The following PAX7 variants were observed in gnomAD, a reference collection of about 807,000 sequenced individuals.
The protein encoded by PAX7 is paired box protein Pax-7.
PAX7 carries 18 observed loss-of-function variants against 50.7 expected under a neutral mutation model. The observed-to-expected ratio is 0.36, with a 90% CI of 0.25 to 0.53. PAX7 has a LOEUF of 0.53. Among genes scored for constraint, PAX7 ranks in the 20% least tolerant of loss-of-function variants. The probability of loss-of-function intolerance (pLI) is 0.93; values close to 1 mark genes in which losing one functional copy is unlikely to be tolerated. For missense variants in PAX7, 644 were observed against 702.9 expected (o/e 0.92, Z 0.95); for synonymous variants, 310 against 290.4 (o/e 1.07, Z -0.69).
rs780195552 is a variant in PAX7 at position 18,703,278 on chromosome 1, C to T, written c.1137C>T (p.Ser379=). 2 of 1,614,108 alleles carry T rather than the reference C, an allele frequency of 1.2e-6. No homozygotes were observed. The highest frequency in any genetic ancestry group is 2.2e-5 in the South Asian group (2 of 91,086). ...CCTCCAACCACATGAACCCGGTCAG[C>T]AACGGCCTGTCTCCTCAGGTAGGTG... ...AAPSNHMNPV[S]NGLSPQVMSI... is the part of the protein sequence containing the mutation. Residue 379 remains serine, a synonymous_variant, in exon 7 of 9, where the codon AGC becomes AGT. Transcript: ENST00000420770.
At chr1:18,696,400 G>T (rs1027294848) in intron 5 of PAX7, among the ~76,000 whole-genome samples, 5 of 152,122 alleles carry the variant, frequency 3.3e-5, no homozygotes, top group African/African-American at 1.2e-4. Flanking sequence ...CAGGCATGAT[G>T]GCTCACCAGT....
At chr1:18,649,013 T>C (rs2088391386) in intron 4 of PAX7, among the ~76,000 whole-genome samples, 3 of 152,140 alleles carry the variant, frequency 2.0e-5, no homozygotes. Flanking sequence ...ACTGAGCCCG[T>C]GACTGGCTGC....
chr1:18,731,483 G>T, intron 7 of PAX7, among the ~76,000 whole-genome samples: 1 of 152,160 alleles, frequency 6.6e-6, no homozygotes, highest in Non-Finnish European at 1.5e-5. Context: ...TTGCTTCCTC[G>T]TGTCTCAATT....
At chr1:18,744,698 A>ATGGG in intron 8 of PAX7, 116 bp from the exon 9 acceptor site, 1 of 558,116 alleles carries the variant, frequency 1.8e-6, no homozygotes, top group South Asian at 1.9e-5. Context: ...AAATGGATGG[A>ATGGG]TGGATGGATG....
At position 18,634,203 on chromosome 1, in the gene PAX7, G is replaced by T. The variant is rs2088106105; in HGVS notation, c.86-100G>T. ...CGGGATTGCTGTCTGAGGTCTTGGG[G>T]CTCAAACAAACAAAACTGGAGTCAG... On this transcript the variant is annotated intron_variant, in intron 1 of 8. Transcript: ENST00000420770. The surrounding 1 kb of genome is among the most constrained non-coding windows in gnomAD (Gnocchi z 4.0). The T allele has an allele frequency of 4.3e-6, 4 of 919,864 alleles. No homozygotes were observed. The highest frequency in any genetic ancestry group is 5.0e-6 in the Non-Finnish European group (3 of 598,556). The allele number at this position is 919,864 out of a possible 1,614,324, so 57.0% of individuals were successfully genotyped here. A position where few individuals can be genotyped will look rare whatever the true frequency, so the allele number is the denominator to read the frequency against.
Position 18,639,554 on chromosome 1 carries a change from C to T in PAX7, c.586+3183C>T, listed in dbSNP as rs545961167. Among the ~76,000 whole-genome samples the T allele has an allele frequency of 1.0e-3, 154 of 152,274 alleles. 1 individual carries two copies. Among genetic ancestry groups the T allele is most frequent in the Admixed American group, 2.9e-3 (44 of 15,292 alleles). The stretch of plus-strand genomic sequence containing the variant: ...TTGCCCCCATGCACTTAGACTCCCT[C>T]CTCTTCACCCCTTTCTCCGAGGATC... On this transcript the variant is annotated intron_variant, in intron 4 of 8. Coordinates refer to ENST00000420770, the MANE Select transcript of PAX7 (RefSeq NM_001135254.2).
intron 4 of PAX7, among the ~76,000 whole-genome samples, chr1:18,641,377 G>C (rs2088250947): frequency 6.6e-6 from 1 of 152,208 alleles, no homozygotes; most frequent in South Asian, 2.1e-4. Context: ...CTGAGTGTTG[G>C]GGGGTGCCTT....
intron 4 of PAX7, among the ~76,000 whole-genome samples, chr1:18,666,972 G>T (rs2088678404): frequency 6.6e-6 from 1 of 152,146 alleles, no homozygotes; most frequent in Non-Finnish European, 1.5e-5. Flanking sequence ...GGGAGTGGGG[G>T]TCCTCTGGGG....
At chr1:18,662,142 G>A (rs1180667406) in intron 4 of PAX7, among the ~76,000 whole-genome samples, 5 of 152,130 alleles carry the variant, frequency 3.3e-5, no homozygotes, top group South Asian at 2.1e-4. Flanking sequence ...GGGTTGAGGG[G>A]GGCGAGGAGG....
At chr1:18,718,318 G>A (rs900230593) in intron 7 of PAX7, among the ~76,000 whole-genome samples, 1 of 152,222 alleles carries the variant, frequency 6.6e-6, no homozygotes, top group African/African-American at 2.4e-5. Flanking sequence ...AAAAGGATTG[G>A]AGGGTGAGTC....
intron 7 of PAX7, among the ~76,000 whole-genome samples, chr1:18,729,919 C>G (rs2089625065): frequency 6.6e-6 from 1 of 152,116 alleles, no homozygotes. Context: ...TGGGTGTTGG[C>G]CCCCATGGGA....
At chr1:18,689,364 G>A (rs2089034157) in intron 4 of PAX7, among the ~76,000 whole-genome samples, 1 of 152,184 alleles carries the variant, frequency 6.6e-6, no homozygotes, top group Non-Finnish European at 1.5e-5. Flanking sequence ...TGTGCCCACT[G>A]TGGTCTCCCC....
At chr1:18,720,542 C>G (rs945394792) in intron 7 of PAX7, among the ~76,000 whole-genome samples, 1 of 151,992 alleles carries the variant, frequency 6.6e-6, no homozygotes, top group Non-Finnish European at 1.5e-5. Context: ...CAGACAGACC[C>G]AGAGAGAGCT....
At chr1:18,637,765 AG>A (rs1449544168) in intron 4 of PAX7, among the ~76,000 whole-genome samples, 1 of 152,254 alleles carries the variant, frequency 6.6e-6, no homozygotes, top group Non-Finnish European at 1.5e-5. Flanking sequence ...CCTGGAGCGA[AG>A]GGAAGGGGCG....
Position 18,688,418 on chromosome 1 carries a change from C to T in PAX7, c.587-3336C>T, listed in dbSNP as rs11578739. ...TGGCCACCAGCCACGTGTGACTATG[C>T]AAATTTGAATTACAATTAAATACAA... On this transcript the variant is annotated intron_variant, in intron 4 of 8. Transcript: ENST00000420770. 2.5e-3 allele frequency among the ~76,000 whole-genome samples: 384 copies of T among 152,324 alleles called. 3 individuals are homozygous for T. The South Asian group carries it at 0.03, about 12-fold the overall frequency.
At position 18,635,149 on chromosome 1, in the gene PAX7, G is replaced by A. The variant is rs912601399; in HGVS notation, c.360G>A (p.Glu120=). Residue 120 remains glutamate (E), a synonymous_variant, in exon 3 of 9, where the codon GAG becomes GAA. Transcript: ENST00000420770. The part of the protein sequence containing the change: ...ATPDVEKKIE[E]YKRENPGMFS... ...CGGATGTAGAGAAAAAGATTGAGGAGTACAAGAGGGAAAACCCAGGCATGT... is the reference window on the plus strand; with the variant it reads ...CGGATGTAGAGAAAAAGATTGAGGAATACAAGAGGGAAAACCCAGGCATGT... The A allele has an allele frequency of 2.1e-5, 34 of 1,613,910 alleles. No homozygotes were observed. The highest frequency in any genetic ancestry group is 2.7e-5 in the Non-Finnish European group (32 of 1,179,942).
chr1:18,667,448 AAGG>A (rs2088687038), intron 4 of PAX7, among the ~76,000 whole-genome samples: 1 of 147,032 alleles, frequency 6.8e-6, no homozygotes. Flanking sequence ...GGAAGGAAGG[AAGG>A]AGCTTTGGTC....
At chr1:18,744,726 A>G in intron 8 of PAX7, 88 bp from the exon 9 acceptor site, 1 of 735,030 alleles carries the variant, frequency 1.4e-6, no homozygotes. Flanking sequence ...GGATGGATGG[A>G]TGGATGGATG....
At chr1:18,643,238 C>T (rs1006008064) in intron 4 of PAX7, among the ~76,000 whole-genome samples, 2 of 152,116 alleles carry the variant, frequency 1.3e-5, no homozygotes, top group African/African-American at 4.8e-5. Context: ...CGGAGCTCTG[C>T]GTGTCGGCTG....
Sources: gnomAD v4.1 joint callset for allele counts (sites outside exome capture counted in the v4.1 genomes callset) on GRCh38, gnomAD v4.1.1 for gene constraint, Gnocchi (gnomAD v3.1) non-coding constraint, MANE v1.5 for transcripts, NCBI Gene and HGNC (gene_info 2026-07-23, HGNC 2026-07-21) for gene names.